TPST1: variants seen among roughly 807,000 people sequenced by gnomAD.
TPST1 encodes tyrosylprotein sulfotransferase 1.
TPST1 carries 20 observed loss-of-function variants against 34.8 expected under a neutral mutation model. The observed-to-expected ratio is 0.57, with a 90% confidence interval of 0.40 to 0.84. The LOEUF is 0.84. Among genes scored for constraint, TPST1 ranks in the 40% least tolerant of loss-of-function variants. The probability of loss-of-function intolerance (pLI) is 0.00; values close to 1 mark genes in which losing one functional copy is unlikely to be tolerated. For missense variants in TPST1, 353 were observed against 455.5 expected (o/e 0.78, Z 2.05); for synonymous variants, 152 against 159.4 (o/e 0.95, Z 0.35).
upstream of TPST1, among the ~76,000 whole-genome samples, chr7:66,200,547 G>A (rs1789024321): frequency 6.7e-6 from 1 of 150,068 alleles, no homozygotes; most frequent in Non-Finnish European, 1.5e-5. Context: ...AGCCTCCCGG[G>A]TAGCTGGAAC....
chr7:66,245,970 G>T (rs984660019), intron 2 of TPST1, among the ~76,000 whole-genome samples: 2 of 151,816 alleles, frequency 1.3e-5, no homozygotes, highest in African/African-American at 4.8e-5. Context: ...CTTTGTGAAG[G>T]CACTGCCTAA....
chr7:66,230,891 ACGT>A (rs1789771246), intron 1 of TPST1, among the ~76,000 whole-genome samples: 1 of 152,154 alleles, frequency 6.6e-6, no homozygotes, highest in South Asian at 2.1e-4. Context: ...AAGGTTCTCC[ACGT>A]CCTCATCAGA....
At chr7:66,215,874 G>T (rs184840132) in intron 1 of TPST1, among the ~76,000 whole-genome samples, 39 of 147,584 alleles carry the variant, frequency 2.6e-4, no homozygotes, top group African/African-American at 5.5e-4. Flanking sequence ...CTGGGTTCAC[G>T]CCATTCTCCT....
intron 3 of TPST1, among the ~76,000 whole-genome samples, chr7:66,349,734 C>G (rs1792431892): frequency 1.3e-5 from 2 of 152,068 alleles, no homozygotes; most frequent in South Asian, 4.1e-4. Context: ...CCCCTGGGGC[C>G]TGGAAAGTAG....
chr7:66,314,077 G>A (rs546121658), intron 3 of TPST1, among the ~76,000 whole-genome samples: 3 of 152,202 alleles, frequency 2.0e-5, no homozygotes, highest in Admixed American at 6.5e-5. Context: ...ATGCATATGA[G>A]GCCACAATAC....
chr7:66,299,748 T>C (rs1312079647), intron 3 of TPST1, among the ~76,000 whole-genome samples: 3 of 152,218 alleles, frequency 2.0e-5, no homozygotes, highest in Non-Finnish European at 4.4e-5. Context: ...GCTGGAATTC[T>C]TTGCTCTTTA....
chr7:66,280,644 T>A (rs1790915188), intron 2 of TPST1, among the ~76,000 whole-genome samples: 2 of 152,152 alleles, frequency 1.3e-5, no homozygotes, highest in South Asian at 4.1e-4. Flanking sequence ...CAGTACTGTG[T>A]TGAGTAGGAG....
intron 2 of TPST1, among the ~76,000 whole-genome samples, chr7:66,281,805 G>C (rs1355030729): frequency 1.3e-5 from 2 of 152,200 alleles, no homozygotes; most frequent in East Asian, 3.8e-4. Context: ...TGGTTTGGCA[G>C]TCAGCCTGGC....
At chr7:66,200,085 G>A in the TPST1 span, among the ~76,000 whole-genome samples, 1 of 152,176 alleles carries the variant, frequency 6.6e-6, no homozygotes, top group Non-Finnish European at 1.5e-5. Flanking sequence ...AAGTGCTGGA[G>A]GACAATGCTG....
At chr7:66,274,241 G>T (rs1385945036) in intron 2 of TPST1, among the ~76,000 whole-genome samples, 2 of 151,914 alleles carry the variant, frequency 1.3e-5, no homozygotes, top group Admixed American at 6.6e-5. Context: ...GGTGGTGGGT[G>T]CCTGTAATCC....
At chr7:66,210,598 CT>C (rs1371660940) in intron 1 of TPST1, among the ~76,000 whole-genome samples, 3 of 152,132 alleles carry the variant, frequency 2.0e-5, no homozygotes, top group Admixed American at 6.6e-5. Flanking sequence ...GTATCTAGGA[CT>C]GAGAACTGGG....
At chr7:66,203,587 G>A (rs909747883), upstream of TPST1, among the ~76,000 whole-genome samples, 3 of 151,002 alleles carry the variant, frequency 2.0e-5, no homozygotes, top group Admixed American at 1.3e-4. Flanking sequence ...CCGGGTTCAC[G>A]CCATTCTCCT....
chr7:66,345,988 C>T (rs1584257849), intron 3 of TPST1, among the ~76,000 whole-genome samples: 3 of 151,504 alleles, frequency 2.0e-5, no homozygotes, highest in South Asian at 2.1e-4. Flanking sequence ...CACTACCCTT[C>T]CCAGCCTTTG....
chr7:66,279,124 C>T (rs1358876022), intron 2 of TPST1, among the ~76,000 whole-genome samples: 2 of 152,126 alleles, frequency 1.3e-5, no homozygotes, highest in Non-Finnish European at 2.9e-5. Context: ...TCTGTTGTTC[C>T]CCTTTGTATC....
chr7:66,349,336 C>T (rs1029661763), intron 3 of TPST1, among the ~76,000 whole-genome samples: 4 of 152,118 alleles, frequency 2.6e-5, no homozygotes, highest in South Asian at 2.1e-4. Flanking sequence ...TTTGGGAGGC[C>T]GAGGCAGGCG....
upstream of TPST1, among the ~76,000 whole-genome samples, chr7:66,203,706 C>T (rs1051993495): frequency 1.3e-5 from 2 of 151,150 alleles, no homozygotes; most frequent in African/African-American, 2.4e-5. Context: ...AGGATGGTCT[C>T]GATCTCCTGA....
upstream of TPST1, among the ~76,000 whole-genome samples, chr7:66,201,975 T>C (rs1443747380): frequency 6.6e-6 from 1 of 152,070 alleles, no homozygotes; most frequent in Non-Finnish European, 1.5e-5. Flanking sequence ...AGTCCTTCAG[T>C]TTCCCTCCCA....
chr7:66,243,912 G>C (rs1008658946), intron 2 of TPST1, among the ~76,000 whole-genome samples: 3 of 146,618 alleles, frequency 2.0e-5, no homozygotes, highest in African/African-American at 7.5e-5. Context: ...TGTGCTTTTC[G>C]TTTTATTTAA....
chr7:66,329,485 A>C (rs1000658438), intron 3 of TPST1, among the ~76,000 whole-genome samples: 19 of 152,058 alleles, frequency 1.2e-4, no homozygotes, highest in Non-Finnish European at 2.6e-4. Flanking sequence ...CTCAGCGCAT[A>C]TCCCTAAGAA....
Sources: gnomAD v4.1 joint callset for allele counts (sites outside exome capture counted in the v4.1 genomes callset) on GRCh38, gnomAD v4.1.1 for gene constraint, MANE v1.5 for transcripts, NCBI Gene and HGNC (gene_info 2026-07-23, HGNC 2026-07-21) for gene names.